SPIN1: variants seen among roughly 807,000 people sequenced by gnomAD.
SPIN1 encodes the protein spindlin-1.
In SPIN1, 3 loss-of-function variants were observed where a neutral mutation model predicts 26.0. The ratio of observed to expected loss-of-function variants is 0.12; its 90% CI spans 0.05 to 0.30. The LOEUF is 0.30. Among genes scored for constraint, SPIN1 ranks in the 10% least tolerant of loss-of-function variants. SPIN1 has a pLI of 1.00. For synonymous variants in SPIN1, 101 were observed against 116.5 expected (o/e 0.87, Z 0.86); for missense variants, 126 against 333.4 (o/e 0.38, Z 4.84).
chr9:88,430,244 C>T (rs1447755641), intron 2 of SPIN1, among the ~76,000 whole-genome samples: 2 of 152,218 alleles, frequency 1.3e-5, no homozygotes, highest in African/African-American at 4.8e-5. Context: ...TCTTCACTCA[C>T]ATGGGCTGAT....
At chr9:88,421,180 A>G (rs1244012766) in intron 1 of SPIN1, among the ~76,000 whole-genome samples, 1 of 152,218 alleles carries the variant, frequency 6.6e-6, no homozygotes, top group Non-Finnish European at 1.5e-5. Context: ...TTTCCAAAGA[A>G]TATATTCTCA....
At chr9:88,393,479 G>A (rs1168716278) in intron 1 of SPIN1, among the ~76,000 whole-genome samples, 1 of 98,936 alleles carries the variant, frequency 1.0e-5, no homozygotes, top group Non-Finnish European at 1.8e-5. Flanking sequence ...TTTTTGAGAC[G>A]GAGTCTCCCT....
At position 88,478,343 on chromosome 9, in the gene SPIN1, A is replaced by G. The variant is rs1033204889; in HGVS notation, c.*3066A>G. The stretch of plus-strand genomic sequence containing the variant: ...TGTCTTAACAAAATGAAAGTTCTCC[A>G]AAGACAAAACAGAACAATTATTATA... On this transcript the variant is annotated 3_prime_UTR_variant, in exon 6 of 6. Coordinates refer to ENST00000375859, the MANE Select transcript of SPIN1 (RefSeq NM_006717.3). The G allele has an allele frequency of 3.9e-5, 6 of 152,652 alleles. No homozygotes were observed. Among genetic ancestry groups the G allele is most frequent in the African/African-American group, 1.4e-4 (6 of 41,464 alleles). The allele number at this position is 152,652 out of a possible 1,614,324, so 9.5% of individuals were successfully genotyped here. A position where few individuals can be genotyped will look rare whatever the true frequency, so the allele number is the denominator to read the frequency against.
At chr9:88,414,937 T>C (rs1827528240) in intron 1 of SPIN1, among the ~76,000 whole-genome samples, 1 of 152,198 alleles carries the variant, frequency 6.6e-6, no homozygotes, top group Admixed American at 6.6e-5. Flanking sequence ...GGAGTCTCGC[T>C]GTGTCACCCA....
At chr9:88,405,710 AC>A (rs1827287426) in intron 1 of SPIN1, among the ~76,000 whole-genome samples, 1 of 151,794 alleles carries the variant, frequency 6.6e-6, no homozygotes, top group African/African-American at 2.4e-5. Flanking sequence ...CCCAGCCTGT[AC>A]TATACTTTTG....
At chr9:88,449,101 A>G in intron 3 of SPIN1, 112 bp downstream of exon 3, 2 of 938,614 alleles carry the variant, frequency 2.1e-6, no homozygotes, top group South Asian at 1.4e-5. Context: ...TTCCTAGCTC[A>G]TAGGAGATGT....
intron 1 of SPIN1, among the ~76,000 whole-genome samples, chr9:88,414,596 A>C (rs1035574595): frequency 6.6e-6 from 1 of 152,230 alleles, no homozygotes; most frequent in Non-Finnish European, 1.5e-5. Flanking sequence ...TATGTGCTCT[A>C]TCCTGGTGGC....
chr9:88,473,276 C>G (rs1277841576), intron 5 of SPIN1, among the ~76,000 whole-genome samples: 3 of 138,170 alleles, frequency 2.2e-5, no homozygotes, highest in South Asian at 4.2e-4. Context: ...GCCTGTAGTC[C>G]CAGCTACTCG....
At chr9:88,465,180 T>G (rs898979283) in intron 4 of SPIN1, among the ~76,000 whole-genome samples, 2 of 152,246 alleles carry the variant, frequency 1.3e-5, no homozygotes, top group Non-Finnish European at 2.9e-5. Context: ...CTTCTACCTC[T>G]TGGTAGAATG....
intron 2 of SPIN1, among the ~76,000 whole-genome samples, chr9:88,428,570 G>A (rs115200112): frequency 2.9e-3 from 447 of 152,272 alleles, no homozygotes; most frequent in African/African-American, 0.01. Context: ...AAATCATCTT[G>A]TGAGGAACCT....
At chr9:88,436,134 T>C (rs2118070798) in intron 2 of SPIN1, among the ~76,000 whole-genome samples, 1 of 152,298 alleles carries the variant, frequency 6.6e-6, no homozygotes, top group Non-Finnish European at 1.5e-5. Context: ...GGGGTCTAAC[T>C]GTGTTGCCCA....
chr9:88,404,935 A>C lies in SPIN1; in HGVS notation c.-159+16397A>C, dbSNP rs576380288. Among the ~76,000 whole-genome samples, 8 of 151,746 alleles carry C rather than the reference A, an allele frequency of 5.3e-5. No individual in the cohort carries two copies. The East Asian group carries it at 1.2e-3, about 22-fold the overall frequency. ...CGTCTCAAAAAAAAAAAAAACAAAA[A>C]AAAAAAAACTAAGATACTCAGGATC... On this transcript the variant is annotated intron_variant, in intron 1 of 5. Transcript: ENST00000375859.
chr9:88,442,747 T>G (rs1188657078), intron 2 of SPIN1, among the ~76,000 whole-genome samples: 1 of 152,090 alleles, frequency 6.6e-6, no homozygotes, highest in Non-Finnish European at 1.5e-5. Flanking sequence ...TTTGGTGTAG[T>G]TTTTTTCTGG....
chr9:88,465,898 A>T (rs1828658249), intron 4 of SPIN1, among the ~76,000 whole-genome samples: 1 of 152,232 alleles, frequency 6.6e-6, no homozygotes, highest in Non-Finnish European at 1.5e-5. Flanking sequence ...ATCATAACAG[A>T]TTGAGTGCTA....
chr9:88,453,008 TA>T (rs1356887678), intron 3 of SPIN1, among the ~76,000 whole-genome samples: 2 of 152,260 alleles, frequency 1.3e-5, no homozygotes, highest in East Asian at 3.9e-4. Context: ...ATGATGTCTG[TA>T]AATGTTGGCT....
rs2118171594 is a variant in SPIN1 at position 88,458,092 on chromosome 9, A to G, written c.102-4404A>G. On this transcript the variant is annotated intron_variant, in intron 3 of 5. Transcript: ENST00000375859. The stretch of plus-strand genomic sequence containing the variant: ...TTAATAGAAAAATGAAAGTTTAGGT[A>G]TAATATATGCAAAGTTAAAGATAAT... 9.2e-6 allele frequency: 6 copies of G among 653,458 alleles called. No homozygotes were observed. In the South Asian group the frequency reaches 2.1e-4, roughly 23 times the overall value. 40.5% of individuals were successfully genotyped at this position (653,458 alleles called of 1,614,324 possible).
At chr9:88,406,040 T>TGTGTAC in intron 1 of SPIN1, among the ~76,000 whole-genome samples, 1 of 147,046 alleles carries the variant, frequency 6.8e-6, no homozygotes, top group South Asian at 2.3e-4. Flanking sequence ...TGTGTGTGTG[T>TGTGTAC]GTACGTGTAC....
At chr9:88,406,211 A>C (rs1461484567) in intron 1 of SPIN1, among the ~76,000 whole-genome samples, 4 of 148,094 alleles carry the variant, frequency 2.7e-5, no homozygotes, top group African/African-American at 1.1e-4. Flanking sequence ...TATGTGATCC[A>C]TTATTGACTG....
chr9:88,429,533 G>T (rs1051510923), intron 2 of SPIN1, among the ~76,000 whole-genome samples: 7 of 152,092 alleles, frequency 4.6e-5, no homozygotes, highest in Non-Finnish European at 7.4e-5. Context: ...ATTATAAAGG[G>T]TATTACAAAG....
Sources: gnomAD v4.1 joint callset for allele counts (sites outside exome capture counted in the v4.1 genomes callset) on GRCh38, gnomAD v4.1.1 for gene constraint, MANE v1.5 for transcripts, NCBI Gene and HGNC (gene_info 2026-07-23, HGNC 2026-07-21) for gene names.